The following ZNF804A variants were observed in gnomAD, a reference collection of about 807,000 sequenced individuals.
ZNF804A encodes the protein zinc finger protein 804A.
ZNF804A carries 2 observed loss-of-function variants against 16.5 expected under a neutral mutation model. The ratio of observed to expected loss-of-function variants is 0.12; its 90% CI spans 0.05 to 0.38. ZNF804A has a LOEUF of 0.38. Among genes scored for constraint, ZNF804A ranks in the 10% least tolerant of loss-of-function variants. ZNF804A has a pLI of 0.99. For synonymous variants in ZNF804A, 534 were observed against 489.6 expected (o/e 1.09, Z -1.20); for missense variants, 1,473 against 1,390.7 (o/e 1.06, Z -0.94).
At position 184,933,590 on chromosome 2, in the gene ZNF804A, T is replaced by A. The variant is rs746430212; in HGVS notation, c.256-13T>A. 8.4e-6 allele frequency: 13 copies of A among 1,551,598 alleles called. 1 individual carries two copies. In the South Asian group the frequency reaches 1.6e-4, roughly 19 times the overall value. On this transcript the variant is annotated splice_polypyrimidine_tract_variant and intron_variant, in intron 2 of 3. Coordinates refer to ENST00000302277, the MANE Select transcript of ZNF804A (RefSeq NM_194250.2). ...AAAATACAATTAATCATTTTCCAACTTTTTTTTAACAGAGGCTCAAGGAAC... is the reference window on the plus strand; with the variant it reads ...AAAATACAATTAATCATTTTCCAACATTTTTTTAACAGAGGCTCAAGGAAC...
intron 1 of ZNF804A, among the ~76,000 whole-genome samples, chr2:184,817,955 G>A (rs1040890684): frequency 1.3e-5 from 2 of 152,000 alleles, no homozygotes; most frequent in African/African-American, 2.4e-5. Flanking sequence ...AAAGAGACAG[G>A]AGAATGGAAC....
chr2:184,736,949 C>T (rs1693625650), intron 1 of ZNF804A, among the ~76,000 whole-genome samples: 2 of 142,440 alleles, frequency 1.4e-5, no homozygotes, highest in Non-Finnish European at 1.5e-5. Flanking sequence ...TGTGTTTTTT[C>T]TGTTTTAAAG....
intron 1 of ZNF804A, among the ~76,000 whole-genome samples, chr2:184,830,396 A>G (rs964191306): frequency 1.2e-4 from 19 of 152,122 alleles, no homozygotes; most frequent in South Asian, 6.2e-4. Context: ...CTGCTTGGTT[A>G]ACTCACAAGT....
At chr2:184,654,957 A>G (rs957279886) in intron 1 of ZNF804A, among the ~76,000 whole-genome samples, 1 of 152,318 alleles carries the variant, frequency 6.6e-6, no homozygotes, top group African/African-American at 2.4e-5. Context: ...CAAGACTTAG[A>G]AATGGCACAG....
At chr2:184,800,702 TA>T (rs1694710739) in intron 1 of ZNF804A, among the ~76,000 whole-genome samples, 1 of 151,932 alleles carries the variant, frequency 6.6e-6, no homozygotes, top group Non-Finnish European at 1.5e-5. Flanking sequence ...CCTCATCCAA[TA>T]ATACCATACT....
At chr2:184,835,375 T>G (rs1695326722) in intron 1 of ZNF804A, among the ~76,000 whole-genome samples, 1 of 152,114 alleles carries the variant, frequency 6.6e-6, no homozygotes, top group South Asian at 2.1e-4. Flanking sequence ...AAGGGCAGAT[T>G]ATGCAGTAAT....
chr2:184,667,075 T>C (rs1049069189), intron 1 of ZNF804A, among the ~76,000 whole-genome samples: 1 of 151,992 alleles, frequency 6.6e-6, no homozygotes, highest in African/African-American at 2.4e-5. Flanking sequence ...TTTTGTGGAA[T>C]GTATTGACCT....
At position 184,939,015 on chromosome 2, in the gene ZNF804A, C is replaced by G; in HGVS notation, c.3619C>G (p.Pro1207Ala). The change falls in exon 4 of 4, where the codon CCT (proline) becomes GCT (alanine). Residue 1207 changes from proline (P) to alanine (A), a missense_variant. By Grantham distance (27) the Pro-to-Ala change is conservative. Coordinates refer to ENST00000302277, the MANE Select transcript of ZNF804A (RefSeq NM_194250.2). Reference protein sequence around the residue: ...SPHPTVIPLQPLF With the variant: ...SPHPTVIPLQALF ...ACACCCTACTGTCATCCCTTTGCAA[C>G]CTCTCTTCTAGTCATCACCATAATG... 6.2e-7 allele frequency: 1 copy of G among 1,613,718 alleles called. No homozygotes were observed. Among genetic ancestry groups the G allele is most frequent in the Non-Finnish European group, 8.5e-7 (1 of 1,179,724 alleles).
At chr2:184,781,919 G>C (rs534085009) in intron 1 of ZNF804A, among the ~76,000 whole-genome samples, 3 of 151,830 alleles carry the variant, frequency 2.0e-5, no homozygotes, top group African/African-American at 4.8e-5. Context: ...AAAAGACTGA[G>C]ATCAAAGTGT....
chr2:184,726,545 T>C (rs1693413376), intron 1 of ZNF804A, among the ~76,000 whole-genome samples: 1 of 151,520 alleles, frequency 6.6e-6, no homozygotes, highest in Non-Finnish European at 1.5e-5. Context: ...GAAACCAGAA[T>C]TTTGGACGAG....
chr2:184,855,676 G>A (rs777548901), intron 1 of ZNF804A, among the ~76,000 whole-genome samples: 13 of 151,774 alleles, frequency 8.6e-5, no homozygotes, highest in African/African-American at 2.2e-4. Flanking sequence ...TAACAGCAGC[G>A]AATGAATATG....
intron 1 of ZNF804A, among the ~76,000 whole-genome samples, chr2:184,608,403 T>C (rs2105669903): frequency 6.6e-6 from 1 of 152,278 alleles, no homozygotes; most frequent in Middle Eastern, 3.4e-3. Context: ...GGACTTTCTA[T>C]CTAGGAGCAA....
At position 184,938,968 on chromosome 2, in the gene ZNF804A, T is replaced by A. The variant is rs547216326; in HGVS notation, c.3572T>A (p.Leu1191His). 5 of 1,613,848 alleles carry A rather than the reference T, an allele frequency of 3.1e-6. No homozygotes were observed. Among genetic ancestry groups the A allele is most frequent in the Non-Finnish European group, 3.4e-6 (4 of 1,179,942 alleles). ...HLAFPSLPHA[L>H]FPSLLSPHPT... The stretch of plus-strand genomic sequence containing the variant: ...GCTTTCCCATCTTTACCCCATGCAC[T>A]CTTTCCTTCACTGCTTTCCCCACAC... The change falls in exon 4 of 4, where the codon CTC becomes CAC. Residue 1191 changes from leucine (L) to histidine (H), a missense_variant. Transcript: ENST00000302277.
At chr2:184,754,435 C>G (rs1209938486) in intron 1 of ZNF804A, among the ~76,000 whole-genome samples, 1 of 151,816 alleles carries the variant, frequency 6.6e-6, no homozygotes, top group Non-Finnish European at 1.5e-5. Flanking sequence ...TGTTAAGTGT[C>G]TAGTGCCTAC....
chr2:184,632,064 C>G (rs1158850004), intron 1 of ZNF804A, among the ~76,000 whole-genome samples: 2 of 151,654 alleles, frequency 1.3e-5, no homozygotes, highest in South Asian at 4.1e-4. Flanking sequence ...GAATGTCAGA[C>G]TTGATAAAAA....
intron 1 of ZNF804A, among the ~76,000 whole-genome samples, chr2:184,810,064 A>G (rs144833946): frequency 9.3e-4 from 142 of 152,340 alleles, no homozygotes; most frequent in African/African-American, 3.3e-3. Flanking sequence ...TGGACAAACT[A>G]TCGCCCAGGA....
At chr2:184,639,705 G>GA (rs1298939139) in intron 1 of ZNF804A, among the ~76,000 whole-genome samples, 1 of 151,944 alleles carries the variant, frequency 6.6e-6, no homozygotes, top group Non-Finnish European at 1.5e-5. Context: ...AGGAGGATAG[G>GA]AAAATAGAGA....
At chr2:184,622,458 A>G (rs547241570) in intron 1 of ZNF804A, among the ~76,000 whole-genome samples, 1 of 151,880 alleles carries the variant, frequency 6.6e-6, no homozygotes, top group Admixed American at 6.6e-5. Flanking sequence ...TTGCACCAAA[A>G]GGAGCCTTGA....
intron 2 of ZNF804A, among the ~76,000 whole-genome samples, chr2:184,899,409 A>T (rs1468568100): frequency 1.4e-4 from 22 of 152,012 alleles, no homozygotes; most frequent in Admixed American, 1.4e-3. Flanking sequence ...TTACTTGCTA[A>T]CTGATGAATG....
Sources: allele counts gnomAD v4.1 joint callset (sites outside exome capture counted in the v4.1 genomes callset), GRCh38; gene constraint gnomAD v4.1.1; transcripts MANE v1.5; gene names NCBI Gene and HGNC (gene_info 2026-07-23, HGNC 2026-07-21).